Variants in JPH3 observed in about 807,000 individuals in gnomAD.
JPH3 encodes the protein junctophilin 3, also known as junctophilin-3.
JPH3 carries 11 observed loss-of-function variants against 59.6 expected under a neutral mutation model. The ratio of observed to expected loss-of-function variants is 0.18; its 90% CI spans 0.12 to 0.31. The LOEUF (loss-of-function observed/expected upper bound fraction) is 0.31, where lower values mean the gene tolerates loss of function less well. Ranked by LOEUF, JPH3 falls within the 10% of genes least tolerant of loss-of-function variation. The pLI is 1.00. For synonymous variants in JPH3, 673 were observed against 483.6 expected, an observed-to-expected ratio of 1.39 and a Z score of -5.14; for missense variants, 1,202 against 1,105.7, an observed-to-expected ratio of 1.09 and a Z score of -1.24.
rs576434896 is a variant in JPH3, at chr16:87,659,424, C to CATAAAA, written c.1160+14390_1160+14395dup. On this transcript the variant is annotated intron_variant, in intron 2 of 4. Coordinates refer to ENST00000284262, the MANE Select transcript of JPH3 (RefSeq NM_020655.4). The stretch of plus-strand genomic sequence containing the variant: ...GAAAACTACACACACATACACACAA[C>CATAAAA]ATAAAATGTATGATTTTGGCCAGGC... Among the ~76,000 whole-genome samples, 13 of 135,628 alleles carry CATAAAA rather than the reference C, an allele frequency of 9.6e-5. No individual in the cohort carries two copies. In the South Asian group the frequency reaches 2.0e-3, roughly 21 times the overall value. 89.0% of individuals were successfully genotyped at this position (135,628 alleles called of 152,430 possible).
chr16:87,629,497 G>C (rs530555800), intron 1 of JPH3, among the ~76,000 whole-genome samples: 1 of 152,056 alleles, frequency 6.6e-6, no homozygotes, highest in East Asian at 1.9e-4. Flanking sequence ...AAGCAGCGAA[G>C]ATGCCATTAA....
intron 1 of JPH3, among the ~76,000 whole-genome samples, chr16:87,608,483 A>T (rs150683890): frequency 6.6e-5 from 10 of 152,328 alleles, no homozygotes; most frequent in Admixed American, 3.9e-4. Context: ...GTGAGAGGCC[A>T]TGCGGTGGAT....
chr16:87,646,053 GGA>G (rs972392905), intron 2 of JPH3, among the ~76,000 whole-genome samples: 3 of 152,208 alleles, frequency 2.0e-5, no homozygotes, highest in African/African-American at 7.2e-5. Flanking sequence ...GAGCTGCGGG[GGA>G]GTCCATGGGC....
intron 1 of JPH3, among the ~76,000 whole-genome samples, chr16:87,621,956 G>A (rs977105451): frequency 1.3e-5 from 2 of 152,228 alleles, no homozygotes; most frequent in African/African-American, 2.4e-5. Flanking sequence ...GGGATGGTTG[G>A]TGATCGTGGG....
chr16:87,653,030 A>G (rs1046863262), intron 2 of JPH3, among the ~76,000 whole-genome samples: 2 of 151,786 alleles, frequency 1.3e-5, no homozygotes, highest in African/African-American at 4.9e-5. Context: ...CTGGTTGCTG[A>G]GGAGGGCAGT....
In JPH3 at chr16:87,696,654, C is replaced by A; in HGVS notation, c.2241C>A (p.Phe747Leu). 6.2e-7 allele frequency: 1 copy of A among 1,612,374 alleles called. No individual in the cohort carries two copies. Among genetic ancestry groups the A allele is most frequent in the Non-Finnish European group, 8.5e-7 (1 of 1,178,822 alleles). The part of the protein sequence containing the change: ...IGVAILFINF[F>L]I Reference sequence around the variant, plus strand: ...TCGCCATTCTGTTTATTAACTTTTTCATCTGATGAGATGTCGCGGTAGCAA... The same window carrying A: ...TCGCCATTCTGTTTATTAACTTTTTAATCTGATGAGATGTCGCGGTAGCAA... Residue 747 changes from phenylalanine (F) to leucine (L), a missense_variant, in exon 5 of 5, where the codon TTC becomes TTA. By Grantham distance (22) the Phe-to-Leu change is conservative. Coordinates refer to ENST00000284262, the MANE Select transcript of JPH3 (RefSeq NM_020655.4).
intron 1 of JPH3, among the ~76,000 whole-genome samples, chr16:87,633,522 C>T (rs1007263171): frequency 1.5e-4 from 22 of 151,644 alleles, no homozygotes; most frequent in East Asian, 3.9e-4. Context: ...AAATGATGGG[C>T]GGGGCGCGGT....
intron 2 of JPH3, among the ~76,000 whole-genome samples, chr16:87,670,230 C>A (rs145298996): frequency 6.6e-6 from 1 of 152,130 alleles, no homozygotes; most frequent in Non-Finnish European, 1.5e-5. Context: ...GGGAGTCAGC[C>A]GCAGCCACCA....
At chr16:87,654,148 T>C (rs1195788049) in intron 2 of JPH3, 3 of 152,218 alleles carry the variant, frequency 2.0e-5, no homozygotes, top group Admixed American at 6.5e-5. Context: ...CACGAATACA[T>C]TGTGCCTTCC....
At chr16:87,604,390 C>G in intron 1 of JPH3, 1 of 1,428,530 alleles carries the variant, frequency 7.0e-7, no homozygotes, top group African/African-American at 1.4e-5. Context: ...TGCCTGGACT[C>G]TCCGATATCC....
chr16:87,694,537 T>C (rs1280058059), intron 4 of JPH3: 5 of 152,212 alleles, frequency 3.3e-5, no homozygotes, highest in African/African-American at 4.8e-5. Context: ...CCACTGGGGC[T>C]CTGAGTTTGC....
At chr16:87,616,227 TGTGTGTGTG>T (rs1567583309) in intron 1 of JPH3, among the ~76,000 whole-genome samples, 7 of 145,820 alleles carry the variant, frequency 4.8e-5, no homozygotes, top group Admixed American at 6.8e-5. Flanking sequence ...TGTGTGTGTG[TGTGTGTGTG>T]TATTTTTTTT....
intron 1 of JPH3, among the ~76,000 whole-genome samples, chr16:87,622,830 G>A (rs1258639633): frequency 6.6e-6 from 1 of 152,176 alleles, no homozygotes. Flanking sequence ...GGGGGCTGGG[G>A]AGGTGGTGTA....
At chr16:87,670,777 G>A (rs1386242533) in intron 2 of JPH3, among the ~76,000 whole-genome samples, 1 of 152,214 alleles carries the variant, frequency 6.6e-6, no homozygotes, top group Non-Finnish European at 1.5e-5. Context: ...GCCAGGCCCT[G>A]TCGTTGGTTT....
intron 2 of JPH3, among the ~76,000 whole-genome samples, chr16:87,660,544 A>AG (rs2032667089): frequency 6.6e-6 from 1 of 152,186 alleles, no homozygotes; most frequent in South Asian, 2.1e-4. Flanking sequence ...GTCCTGGGAT[A>AG]GCACAGACCA....
rs2030274981 is a variant in JPH3 at position 87,602,624 on chromosome 16, C to G, written c.-523C>G. Among the ~76,000 whole-genome samples the G allele has an allele frequency of 7.1e-6, 1 of 139,954 alleles. No homozygotes were observed. Among genetic ancestry groups the G allele is most frequent in the Non-Finnish European group, 1.6e-5 (1 of 63,140 alleles). The allele number at this position is 139,954 out of a possible 152,430, so 91.8% of individuals were successfully genotyped here. ...CCGCCCCGCGCCCGGCCCGCGGCCC[C>G]CAATATGGTGCAGCCGCCAGCGCCG... On this transcript the variant is annotated 5_prime_UTR_variant, in exon 1 of 5. Coordinates refer to ENST00000284262, the MANE Select transcript of JPH3 (RefSeq NM_020655.4).
chr16:87,602,355 C>A (rs1296604437), upstream of JPH3, among the ~76,000 whole-genome samples: 5 of 135,128 alleles, frequency 3.7e-5, no homozygotes. Flanking sequence ...CCGGGGTCCC[C>A]GCCCGCGCGC....
intron 1 of JPH3, among the ~76,000 whole-genome samples, chr16:87,627,816 G>A (rs2031432257): frequency 6.6e-6 from 1 of 152,180 alleles, no homozygotes; most frequent in African/African-American, 2.4e-5. Flanking sequence ...TCTCCTTGGA[G>A]AGGGGCCAGT....
intron 4 of JPH3, among the ~76,000 whole-genome samples, chr16:87,691,079 A>G (rs191528209): frequency 0.024 from 3,012 of 127,584 alleles, 53 homozygotes; most frequent in Non-Finnish European, 0.034. Context: ...CGTCAGCCTC[A>G]CCCAGCACCC....
Sources: allele counts gnomAD v4.1 joint callset (sites outside exome capture counted in the v4.1 genomes callset), GRCh38; gene constraint gnomAD v4.1.1; transcripts MANE v1.5; gene names NCBI Gene and HGNC (gene_info 2026-07-23, HGNC 2026-07-21).